CA5A: variants seen among roughly 807,000 people sequenced by gnomAD.
The protein encoded by CA5A is carbonic anhydrase 5A.
CA5A carries 28 observed loss-of-function variants against 37.1 expected under a neutral mutation model. The observed-to-expected ratio is 0.75, with a 90% confidence interval of 0.56 to 1.03. The LOEUF (loss-of-function observed/expected upper bound fraction) is 1.03. CA5A is among the 50% of genes least tolerant of loss of function. The probability of loss-of-function intolerance (pLI) is 0.00; values close to 1 mark genes in which losing one functional copy is unlikely to be tolerated. For synonymous variants in CA5A, 171 were observed against 158.4 expected, an observed-to-expected ratio of 1.08 and a Z score of -0.60; for missense variants, 444 against 399.9, an observed-to-expected ratio of 1.11 and a Z score of -0.94.
At chr16:87,890,075 G>A (rs959023450) in intron 6 of CA5A, among the ~76,000 whole-genome samples, 8 of 152,292 alleles carry the variant, frequency 5.3e-5, no homozygotes, top group African/African-American at 1.2e-4. Context: ...AAAACTCCCC[G>A]CCTTCCAGGA....
chr16:87,907,445 A>T (rs964422939), intron 2 of CA5A, among the ~76,000 whole-genome samples: 3 of 152,114 alleles, frequency 2.0e-5, no homozygotes, highest in Non-Finnish European at 4.4e-5. Flanking sequence ...CTCTCTTGGG[A>T]TGGGCTCACT....
At chr16:87,916,278 C>G (rs756697501) in intron 2 of CA5A, among the ~76,000 whole-genome samples, 1 of 152,006 alleles carries the variant, frequency 6.6e-6, no homozygotes, top group Non-Finnish European at 1.5e-5. Context: ...GTTGGGAGTT[C>G]GAGACCAGCC....
At chr16:87,902,914 A>G (rs1385340830) in intron 3 of CA5A, among the ~76,000 whole-genome samples, 1 of 105,210 alleles carries the variant, frequency 9.5e-6, no homozygotes, top group Non-Finnish European at 1.9e-5. Context: ...TCCATCTCAC[A>G]AAAAAAAAAA....
chr16:87,916,812 G>A (rs1443611220), intron 2 of CA5A, among the ~76,000 whole-genome samples: 1 of 152,050 alleles, frequency 6.6e-6, no homozygotes, highest in Non-Finnish European at 1.5e-5. Context: ...GATCAGAAAT[G>A]GGCTTTTGGG....
intron 2 of CA5A, 79 bp from the exon 3 acceptor site, chr16:87,904,983 A>G: frequency 1.2e-6 from 1 of 858,632 alleles, no homozygotes; most frequent in Non-Finnish European, 2.0e-6. Flanking sequence ...CATTGTCTAC[A>G]TTAGGGTTAT....
intron 2 of CA5A, among the ~76,000 whole-genome samples, chr16:87,918,479 C>T (rs1475661190): frequency 6.6e-6 from 1 of 151,266 alleles, no homozygotes. Flanking sequence ...CTCTGTTACT[C>T]ATCGTCCTTG....
chr16:87,890,888 G>A (rs143941777), intron 6 of CA5A, among the ~76,000 whole-genome samples: 7,323 of 151,158 alleles, frequency 0.048, 236 homozygotes, highest in Middle Eastern at 0.15. Context: ...TCTGCCTCCC[G>A]GCTTCAAGTT....
Position 87,911,798 on chromosome 16 carries a change from C to T in CA5A, c.341-6894G>A, listed in dbSNP as rs867086765. ...TGTGGGCTCCAATCCTGGCTTCACA[C>T]GGTGGGGCTTTGCAAGTTGTTTTAT... On this transcript the variant is annotated intron_variant, in intron 2 of 6. Coordinates refer to ENST00000649794, the MANE Select transcript of CA5A (RefSeq NM_001739.2). The surrounding 1 kb of genome is among the most constrained non-coding windows in gnomAD (Gnocchi z 4.6). 2.0e-5 allele frequency among the ~76,000 whole-genome samples: 3 copies of T among 152,162 alleles called. No homozygotes were observed. The highest frequency in any genetic ancestry group is 2.9e-5 in the Non-Finnish European group (2 of 68,026).
At chr16:87,930,950 A>G (rs1028576279) in intron 1 of CA5A, among the ~76,000 whole-genome samples, 6 of 151,826 alleles carry the variant, frequency 4.0e-5, no homozygotes, top group African/African-American at 1.5e-4. Flanking sequence ...CGTGTTGGCT[A>G]GGATGGTCTC....
At chr16:87,888,404 G>A (rs2055668224) in intron 6 of CA5A, 132 bp from the exon 7 acceptor site, 1 of 788,690 alleles carries the variant, frequency 1.3e-6, no homozygotes, top group Non-Finnish European at 2.0e-6. Context: ...TAAATATGGT[G>A]GAAGTGATGG....
intron 2 of CA5A, among the ~76,000 whole-genome samples, chr16:87,926,208 G>T (rs960027493): frequency 4.1e-5 from 6 of 146,590 alleles, no homozygotes; most frequent in Non-Finnish European, 9.0e-5. Flanking sequence ...GACAGAGCAA[G>T]ACTCTGTCTC....
chr16:87,923,486 C>A, intron 2 of CA5A: 1 of 944,992 alleles, frequency 1.1e-6, no homozygotes. Context: ...GCTCGCCCAG[C>A]CTGGCAGTGC....
chr16:87,927,513 A>G (rs952371697), intron 1 of CA5A, among the ~76,000 whole-genome samples: 4 of 152,156 alleles, frequency 2.6e-5, no homozygotes, highest in African/African-American at 9.7e-5. Context: ...TACTTCCTCG[A>G]GGCTCATTTC....
chr16:87,887,575 C>G (rs915213522), downstream of CA5A: 7 of 152,542 alleles, frequency 4.6e-5, no homozygotes, highest in Admixed American at 4.5e-4. Flanking sequence ...GCACCACACC[C>G]AGCTAATTTT....
At chr16:87,915,833 CA>C (rs2056132482) in intron 2 of CA5A, among the ~76,000 whole-genome samples, 1 of 151,136 alleles carries the variant, frequency 6.6e-6, no homozygotes, top group Admixed American at 6.6e-5. Context: ...CTTTTGTTTT[CA>C]AAATAAGCCA....
At chr16:87,913,514 G>C (rs1229931271) in intron 2 of CA5A, among the ~76,000 whole-genome samples, 2 of 152,074 alleles carry the variant, frequency 1.3e-5, no homozygotes, top group African/African-American at 4.8e-5. Flanking sequence ...CACTGTGGTG[G>C]GCTGTTTTGC....
At chr16:87,935,989 A>G (rs11864357) in intron 1 of CA5A, among the ~76,000 whole-genome samples, 14,913 of 151,944 alleles carry the variant, frequency 0.098, 1,109 homozygotes, top group East Asian at 0.32. Context: ...TGGCTAACAC[A>G]GTGAAACCCT....
At chr16:87,915,689 CAAAAAAAAAAAAAAAA>C (rs10593708) in intron 2 of CA5A, among the ~76,000 whole-genome samples, 2 of 83,626 alleles carry the variant, frequency 2.4e-5, no homozygotes, top group South Asian at 1.2e-3. Flanking sequence ...ATCCTGTCTC[CAAAAAAAAAAAAAAAA>C]AAAAAAAAAG....
intron 2 of CA5A, among the ~76,000 whole-genome samples, chr16:87,915,366 G>T (rs976832256): frequency 6.6e-6 from 1 of 151,944 alleles, no homozygotes. Context: ...ATTGTAGAAC[G>T]ATGTTTACAA....
Sources: allele counts gnomAD v4.1 joint callset (sites outside exome capture counted in the v4.1 genomes callset), GRCh38; gene constraint gnomAD v4.1.1; non-coding constraint Gnocchi (gnomAD v3.1); transcripts MANE v1.5; gene names NCBI Gene and HGNC (gene_info 2026-07-23, HGNC 2026-07-21).